RGS7: variants seen among roughly 807,000 people sequenced by gnomAD.
The protein encoded by RGS7 is regulator of G-protein signaling 7.
Under a neutral mutation model 81.1 loss-of-function variants are expected in RGS7, and 27 were observed. The ratio of observed to expected loss-of-function variants is 0.33; its 90% CI spans 0.25 to 0.46. The LOEUF (loss-of-function observed/expected upper bound fraction) is 0.46. Ranked by LOEUF, RGS7 falls within the 20% of genes least tolerant of loss-of-function variation. The pLI, the probability that RGS7 is intolerant of heterozygous loss-of-function variation, is 1.00. For missense variants in RGS7, 396 were observed against 607.4 expected (o/e 0.65, Z 3.66); for synonymous variants, 208 against 207.7 (o/e 1.00, Z -0.01).
At chr1:240,819,747 A>C (rs542768659) in intron 10 of RGS7, among the ~76,000 whole-genome samples, 2 of 152,334 alleles carry the variant, frequency 1.3e-5, no homozygotes, top group Admixed American at 1.3e-4. Context: ...CACAAAAAAA[A>C]CAAAACAAAA....
intron 2 of RGS7, among the ~76,000 whole-genome samples, chr1:241,169,385 C>G (rs2070548501): frequency 1.4e-5 from 2 of 138,222 alleles, no homozygotes; most frequent in South Asian, 4.7e-4. Context: ...ACTCTGTCTC[C>G]CAGGCTGGAG....
chr1:240,938,498 T>A (rs1480913972), intron 4 of RGS7, among the ~76,000 whole-genome samples: 3 of 152,098 alleles, frequency 2.0e-5, no homozygotes, highest in African/African-American at 7.2e-5. Context: ...AGCATAAGAA[T>A]CCCATCCTTT....
rs1171637487 is a variant in RGS7, at chr1:240,928,029, A to G, written c.385+2688T>C. Among the ~76,000 whole-genome samples the G allele has an allele frequency of 2.0e-5, 3 of 152,318 alleles. No homozygotes were observed. In the East Asian group the frequency reaches 5.8e-4, roughly 29 times the overall value. ...CTAGTTGATGATTTACTCTCTATGT[A>G]GAAACACTTATTTACTCTGAGTTAC... On this transcript the variant is annotated intron_variant, in intron 6 of 18. Coordinates refer to ENST00000440928, the MANE Select transcript of RGS7 (RefSeq NM_001364886.1).
intron 2 of RGS7, among the ~76,000 whole-genome samples, chr1:241,157,904 C>CAG (rs2103173729): frequency 0.019 from 1 of 52 alleles, no homozygotes; most frequent in East Asian, 0.25. Flanking sequence ...CTGCAAGCTC[C>CAG]ACCTCCCGGT....
At chr1:241,280,194 G>T (rs2078425840) in intron 2 of RGS7, among the ~76,000 whole-genome samples, 2 of 152,090 alleles carry the variant, frequency 1.3e-5, no homozygotes, top group Non-Finnish European at 2.9e-5. Flanking sequence ...GGGGAAATTT[G>T]GACACAGGTG....
chr1:240,833,485 T>C (rs2147837274), intron 9 of RGS7, among the ~76,000 whole-genome samples: 1 of 152,330 alleles, frequency 6.6e-6, no homozygotes, highest in East Asian at 1.9e-4. Context: ...TGGCTCAACT[T>C]AAAATTTTTC....
At chr1:241,044,768 T>C (rs1214006621) in intron 3 of RGS7, among the ~76,000 whole-genome samples, 1 of 152,148 alleles carries the variant, frequency 6.6e-6, no homozygotes, top group Non-Finnish European at 1.5e-5. Flanking sequence ...TCTTCAGGTA[T>C]AACAATGATC....
chr1:240,981,637 T>A (rs1476119730), intron 4 of RGS7, among the ~76,000 whole-genome samples: 2 of 152,146 alleles, frequency 1.3e-5, no homozygotes, highest in Non-Finnish European at 2.9e-5. Context: ...ATTAATTATC[T>A]CCCCTTTCAC....
intron 6 of RGS7, among the ~76,000 whole-genome samples, chr1:240,923,993 C>T (rs1280296177): frequency 7.2e-5 from 11 of 151,964 alleles, no homozygotes; most frequent in Non-Finnish European, 1.5e-4. Flanking sequence ...GTGTTTATTT[C>T]AAAATTCTTT....
At chr1:241,141,883 C>A (rs1001671977) in intron 2 of RGS7, among the ~76,000 whole-genome samples, 1 of 152,234 alleles carries the variant, frequency 6.6e-6, no homozygotes, top group Non-Finnish European at 1.5e-5. Context: ...AGGCAGGTCT[C>A]TTCCACCTAT....
intron 2 of RGS7, among the ~76,000 whole-genome samples, chr1:241,155,345 T>C (rs2069043337): frequency 6.6e-6 from 1 of 151,860 alleles, no homozygotes; most frequent in African/African-American, 2.4e-5. Flanking sequence ...TGATCTCCCC[T>C]CCTCTGCCTC....
chr1:241,113,656 T>C lies in RGS7; in HGVS notation c.79-14894A>G, dbSNP rs72632887. Among the ~76,000 whole-genome samples, 3,956 of 152,314 alleles carry C rather than the reference T, an allele frequency of 0.026. 261 individuals are homozygous for C. The East Asian group carries it at 0.26, about 10-fold the overall frequency. ...GCCTTTGTTGCTTAGCAGAGCCATG[T>C]GCAAATCTCAGGTCCGTCATTTGAT... is the stretch of plus-strand genomic sequence containing the variant. On this transcript the variant is annotated intron_variant, in intron 2 of 18. Transcript: ENST00000440928.
At chr1:240,979,341 T>C (rs986292087) in intron 4 of RGS7, among the ~76,000 whole-genome samples, 5 of 152,080 alleles carry the variant, frequency 3.3e-5, no homozygotes, top group African/African-American at 1.2e-4. Context: ...GACCCACATA[T>C]AATAATAACA....
chr1:241,208,441 G>A lies in RGS7; in HGVS notation c.79-109679C>T, dbSNP rs188805034. Among the ~76,000 whole-genome samples, 732 of 152,196 alleles carry A rather than the reference G, an allele frequency of 4.8e-3. 3 individuals carry two copies. The highest frequency in any genetic ancestry group is 6.9e-3 in the Non-Finnish European group (466 of 67,996). The stretch of plus-strand genomic sequence containing the variant: ...GCAGCAATTCTGTCTGCTGTGCTTT[G>A]TGTGTGTGTTCTACCTGGCTGATTG... On this transcript the variant is annotated intron_variant, in intron 2 of 18. Coordinates refer to ENST00000440928, the MANE Select transcript of RGS7 (RefSeq NM_001364886.1).
At chr1:241,306,817 A>T (rs2080198492) in intron 2 of RGS7, among the ~76,000 whole-genome samples, 1 of 152,138 alleles carries the variant, frequency 6.6e-6, no homozygotes, top group South Asian at 2.1e-4. Flanking sequence ...GTGTGCACAC[A>T]CATACACACA....
chr1:241,316,521 G>A (rs895437373), intron 2 of RGS7, among the ~76,000 whole-genome samples: 2 of 152,196 alleles, frequency 1.3e-5, no homozygotes, highest in Non-Finnish European at 2.9e-5. Context: ...TTGAGGAGCT[G>A]TATTCAGGAG....
intron 3 of RGS7, among the ~76,000 whole-genome samples, chr1:241,014,745 A>C (rs2059135859): frequency 6.6e-6 from 1 of 152,240 alleles, no homozygotes; most frequent in Admixed American, 6.5e-5. Flanking sequence ...AAATATCTAC[A>C]GTTAAAAGTT....
At chr1:241,335,855 G>C (rs148297160) in intron 2 of RGS7, among the ~76,000 whole-genome samples, 150 of 152,282 alleles carry the variant, frequency 9.9e-4, no homozygotes, top group African/African-American at 3.6e-3. Context: ...ATATGGGGTT[G>C]TGGATTCAGG....
At chr1:241,132,413 G>A (rs1323011729) in intron 2 of RGS7, 1 of 154,252 alleles carries the variant, frequency 6.5e-6, no homozygotes, top group African/African-American at 2.4e-5. Flanking sequence ...ATGACAGGAT[G>A]GATGTGACAG....
Sources: gnomAD v4.1 joint callset for allele counts (sites outside exome capture counted in the v4.1 genomes callset) on GRCh38, gnomAD v4.1.1 for gene constraint, MANE v1.5 for transcripts, NCBI Gene and HGNC (gene_info 2026-07-23, HGNC 2026-07-21) for gene names.